TXNDC11: variants seen among roughly 807,000 people sequenced by gnomAD.
TXNDC11 encodes thioredoxin domain containing 11, also known as thioredoxin domain-containing protein 11.
TXNDC11 carries 68 observed loss-of-function variants against 78.0 expected under a neutral mutation model. That is an observed-to-expected ratio of 0.87 (90% confidence interval 0.72 to 1.07). The LOEUF (loss-of-function observed/expected upper bound fraction) is 1.07, where lower values mean the gene tolerates loss of function less well. TXNDC11 is among the 50% of genes least tolerant of loss of function. TXNDC11 has a pLI of 0.00. For synonymous variants in TXNDC11, 571 were observed against 495.2 expected (o/e 1.15, Z -2.03); for missense variants, 1,389 against 1,221.8 (o/e 1.14, Z -2.04).
chr16:11,733,590 T>C (rs1320566538), intron 3 of TXNDC11, among the ~76,000 whole-genome samples: 1 of 152,222 alleles, frequency 6.6e-6, no homozygotes, highest in East Asian at 1.9e-4. Context: ...CCCAATAGAA[T>C]AGATGGTAAG....
At chr16:11,720,158 A>G (rs1194626728) in intron 5 of TXNDC11, among the ~76,000 whole-genome samples, 3 of 152,210 alleles carry the variant, frequency 2.0e-5, no homozygotes, top group Non-Finnish European at 4.4e-5. Flanking sequence ...ACAACATAAA[A>G]CAATTGGGAG....
chr16:11,686,556 A>G (rs775139244), intron 10 of TXNDC11, among the ~76,000 whole-genome samples: 3 of 152,224 alleles, frequency 2.0e-5, no homozygotes, highest in Admixed American at 2.0e-4. Context: ...AGTTATGGCA[A>G]TGTACTCATT....
At chr16:11,682,551 C>G (rs1037571169) in intron 11 of TXNDC11, among the ~76,000 whole-genome samples, 1 of 152,208 alleles carries the variant, frequency 6.6e-6, no homozygotes, top group Admixed American at 6.5e-5. Context: ...TACACAGATG[C>G]ATTTCTGCCA....
intron 4 of TXNDC11, among the ~76,000 whole-genome samples, chr16:11,729,096 A>C (rs2051968754): frequency 6.6e-6 from 1 of 152,186 alleles, no homozygotes; most frequent in Non-Finnish European, 1.5e-5. Context: ...TGCCATCCCG[A>C]GTGGCTCTGG....
chr16:11,727,958 A>C lies in TXNDC11; in HGVS notation c.699+2687T>G, dbSNP rs527623545. Among the ~76,000 whole-genome samples the C allele has an allele frequency of 2.4e-4, 37 of 152,264 alleles. 1 individual carries two copies. The South Asian group carries it at 4.6e-3, about 19-fold the overall frequency. ...GAGGGGAGAAAAGGGTGCTACCAAC[A>C]TCTAGTGGGTGGAGGCCAGGGATAT... On this transcript the variant is annotated intron_variant, in intron 4 of 11. Transcript: ENST00000283033.
At chr16:11,734,153 T>A in intron 2 of TXNDC11, 74 bp from the exon 3 acceptor site, 1 of 1,020,482 alleles carries the variant, frequency 9.8e-7, no homozygotes. Context: ...AAAGATGAAA[T>A]TTAAAAATAG....
At chr16:11,687,746 T>C (rs2050603695) in intron 10 of TXNDC11, 111 bp downstream of exon 10, 9 of 733,978 alleles carry the variant, frequency 1.2e-5, no homozygotes, top group Middle Eastern at 2.9e-4. Flanking sequence ...AGCCAAGTCC[T>C]ACCAAAGGTT....
At chr16:11,689,179 C>G (rs562614582) in intron 8 of TXNDC11, among the ~76,000 whole-genome samples, 1 of 151,304 alleles carries the variant, frequency 6.6e-6, no homozygotes, top group Non-Finnish European at 1.5e-5. Flanking sequence ...GCCTTAAACT[C>G]CTGGGCTCAA....
chr16:11,698,684 A>C (rs2050925999), intron 6 of TXNDC11, among the ~76,000 whole-genome samples: 1 of 152,222 alleles, frequency 6.6e-6, no homozygotes, highest in Non-Finnish European at 1.5e-5. Context: ...TAAAAGGACC[A>C]AGACATATCT....
At position 11,684,075 on chromosome 16, in the gene TXNDC11, A is replaced by G; in HGVS notation, c.2234+90T>C. 3 of 921,694 alleles carry G rather than the reference A, an allele frequency of 3.3e-6. No homozygotes were observed. The South Asian group carries it at 4.3e-5, about 13-fold the overall frequency. The allele number at this position is 921,694 out of a possible 1,614,324, so 57.1% of individuals were successfully genotyped here. ...TCCTAAGGGAACATTTTTTGAACAT[A>G]ATGAATGATTTACATCTTAAACCCA... On this transcript the variant is annotated intron_variant, in intron 11 of 11. Transcript: ENST00000283033.
Position 11,742,573 on chromosome 16 carries a change from C to A in TXNDC11, c.158G>T (p.Arg53Leu), listed in dbSNP as rs1408668518. 5 of 1,457,592 alleles carry A rather than the reference C, an allele frequency of 3.4e-6. No individual in the cohort carries two copies. Among genetic ancestry groups the A allele is most frequent in the South Asian group, 1.3e-5 (1 of 75,340 alleles). The allele number at this position is 1,457,592 out of a possible 1,614,324, so 90.3% of individuals were successfully genotyped here. A position where few individuals can be genotyped will look rare whatever the true frequency, so the allele number is the denominator to read the frequency against. ...CTGGCGCGCCATGAGGAAGGCGCCA[C>A]GCAGCCCGCGACGGAGCCGGCCCGC... ...SSAGRLRRGL[R>L]GAFLMARQRP... is the part of the protein sequence containing the mutation. The change falls in exon 1 of 12, where the codon CGT becomes CTT. Residue 53 changes from arginine to leucine, a missense_variant. Arg to Leu is a moderately radical substitution (Grantham distance 102). Coordinates refer to ENST00000283033, the MANE Select transcript of TXNDC11 (RefSeq NM_015914.7).
chr16:11,736,088 C>T lies in TXNDC11; in HGVS notation c.400G>A (p.Ala134Thr), dbSNP rs2052211987. Reference sequence around the variant, plus strand: ...GCGATGGACTGTCCACACCAAGGGGCATAGAAGAAGAGCAGTACCACCTCT... The same window carrying T: ...GCGATGGACTGTCCACACCAAGGGGTATAGAAGAAGAGCAGTACCACCTCT... ...DSEVVLLFFY[A>T]PWCGQSIAAR... is the part of the protein sequence containing the mutation. The change falls in exon 2 of 12, where the codon GCC becomes ACC. Residue 134 changes from alanine (A) to threonine (T), a missense_variant. Transcript: ENST00000283033. The T allele has an allele frequency of 6.2e-7, 1 of 1,614,020 alleles. No individual in the cohort carries two copies. Among genetic ancestry groups the T allele is most frequent in the African/African-American group, 1.3e-5 (1 of 74,900 alleles).
In TXNDC11 at chr16:11,691,417, C is replaced by T; in HGVS notation, c.1773G>A (p.Trp591Ter). ...GAGCACCCAGTCTCTCTGCATATAA[C>T]CAAAACAAATTTGAATCCAAAAGGT... ...NIYLLDSNLF[W>*]LYAERLGAPS... The change falls in exon 8 of 12, where the codon TGG becomes TGA. Residue 591 changes from tryptophan to a stop codon, truncating the protein, a stop_gained. Coordinates refer to ENST00000283033, the MANE Select transcript of TXNDC11 (RefSeq NM_015914.7). LOFTEE classifies it high-confidence loss of function. The T allele has an allele frequency of 6.2e-7, 1 of 1,614,254 alleles. No individual in the cohort carries two copies.
At chr16:11,730,488 G>C (rs1305914690) in intron 4 of TXNDC11, among the ~76,000 whole-genome samples, 157 bp downstream of exon 4, 1 of 152,142 alleles carries the variant, frequency 6.6e-6, no homozygotes, top group Non-Finnish European at 1.5e-5. Flanking sequence ...CTTATAATCA[G>C]TATCTCAAAA....
chr16:11,688,185 G>A (rs1597408497), intron 9 of TXNDC11, 118 bp downstream of exon 9: 1 of 1,121,332 alleles, frequency 8.9e-7, no homozygotes, highest in African/African-American at 1.6e-5. Flanking sequence ...CCATAATTGG[G>A]CCATCACGTG....
intron 2 of TXNDC11, among the ~76,000 whole-genome samples, chr16:11,734,918 G>A (rs183041397): frequency 6.6e-6 from 1 of 152,318 alleles, no homozygotes; most frequent in Non-Finnish European, 1.5e-5. Flanking sequence ...ACGTAGGGCA[G>A]GGGTGTTGGT....
intron 10 of TXNDC11, 137 bp from the exon 11 acceptor site, chr16:11,684,382 A>C (rs1027672141): frequency 4.9e-6 from 3 of 618,378 alleles, no homozygotes; most frequent in Non-Finnish European, 8.8e-6. Context: ...CGATGAATGT[A>C]CTACCAGGTG....
chr16:11,736,054 G>A lies in TXNDC11; in HGVS notation c.434C>T (p.Ala145Val), dbSNP rs930327491. Residue 145 changes from alanine (A) to valine (V), a missense_variant, in exon 2 of 12, where the codon GCA becomes GTA. Transcript: ENST00000283033. ...CCGACTTGCTGCTTGCTCAATTTCTGCCCTGGCAGCGATGGACTGTCCACA... is the reference window on the plus strand; with the variant it reads ...CCGACTTGCTGCTTGCTCAATTTCTACCCTGGCAGCGATGGACTGTCCACA... ...PWCGQSIAAR[A>V]EIEQAASRLS... 16 of 1,613,994 alleles carry A rather than the reference G, an allele frequency of 9.9e-6. No homozygotes were observed. Among genetic ancestry groups the A allele is most frequent in the Non-Finnish European group, 1.3e-5 (15 of 1,180,042 alleles).
At chr16:11,739,601 G>A (rs1023399649) in intron 1 of TXNDC11, among the ~76,000 whole-genome samples, 6 of 152,104 alleles carry the variant, frequency 3.9e-5, no homozygotes, top group African/African-American at 7.2e-5. Context: ...AAGACCATTC[G>A]AGGCAGCTTT....
Sources: gnomAD v4.1 joint callset for allele counts (sites outside exome capture counted in the v4.1 genomes callset) on GRCh38, gnomAD v4.1.1 for gene constraint, MANE v1.5 for transcripts, NCBI Gene and HGNC (gene_info 2026-07-23, HGNC 2026-07-21) for gene names.